The following LPA variants were observed in gnomAD, a reference collection of about 807,000 sequenced individuals.
LPA encodes the protein lipoprotein(a).
LPA carries 199 observed loss-of-function variants against 197.9 expected under a neutral mutation model. The observed-to-expected ratio is 1.01, with a 90% CI of 0.90 to 1.13. The LOEUF is 1.13. Among genes scored for constraint, LPA ranks in the 50% most tolerant of loss-of-function variants. The pLI is 0.00. For missense variants in LPA, 1,853 were observed against 1,785.8 expected, an observed-to-expected ratio of 1.04 and a Z score of -0.68; for synonymous variants, 715 against 639.5, an observed-to-expected ratio of 1.12 and a Z score of -1.78.
At position 160,601,063 on chromosome 6, in the gene LPA, G is replaced by A. The variant is rs762249934; in HGVS notation, c.2981C>T (p.Pro994Leu). ...LIKNYCRNPD[P>L]VAAPWCYTTD... ...TGTATAACACCAAGGGGCTGCCACAGGATCTGGATTTCGGCAGTAGTTCTT... is the reference window on the plus strand; with the variant it reads ...TGTATAACACCAAGGGGCTGCCACAAGATCTGGATTTCGGCAGTAGTTCTT... The change falls in exon 19 of 39, where the codon CCT becomes CTT. Residue 994 changes from proline (P) to leucine (L), a missense_variant. Pro to Leu is a moderately conservative substitution (Grantham distance 98, BLOSUM62 -3). Coordinates refer to ENST00000316300, the MANE Select transcript of LPA (RefSeq NM_005577.4). The A allele has an allele frequency of 1.9e-6, 3 of 1,614,102 alleles. No individual in the cohort carries two copies. The South Asian group carries it at 3.3e-5, about 18-fold the overall frequency.
At chr6:160,580,435 A>G (rs1562329662) in intron 26 of LPA, among the ~76,000 whole-genome samples, 1 of 152,204 alleles carries the variant, frequency 6.6e-6, no homozygotes, top group Non-Finnish European at 1.5e-5. Context: ...GAATAGAATT[A>G]CAGGTTTGTA....
intron 24 of LPA, among the ~76,000 whole-genome samples, chr6:160,588,964 A>T (rs913058589): frequency 6.6e-6 from 1 of 152,208 alleles, no homozygotes; most frequent in Non-Finnish European, 1.5e-5. Context: ...GTTTCTGTCC[A>T]TCTTCCTGAA....
chr6:160,548,253 G>C (rs984030920), intron 31 of LPA, among the ~76,000 whole-genome samples: 1 of 152,158 alleles, frequency 6.6e-6, no homozygotes, highest in Non-Finnish European at 1.5e-5. Context: ...TTTTGCGCCA[G>C]TCCTAAAGTC....
Position 160,661,081 on chromosome 6 carries a change from G to T in LPA, c.49+3085C>A, listed in dbSNP as rs552020135. Among the ~76,000 whole-genome samples, 25 of 152,248 alleles carry T rather than the reference G, an allele frequency of 1.6e-4. No individual in the cohort carries two copies. The South Asian group carries it at 5.2e-3, about 32-fold the overall frequency. On this transcript the variant is annotated intron_variant, in intron 1 of 38. Coordinates refer to ENST00000316300, the MANE Select transcript of LPA (RefSeq NM_005577.4). ...GCTACTGAGCATCCCCTGTCCTGAG[G>T]CTCCTTAGGACACCTGGCTGAGCTT... is the stretch of plus-strand genomic sequence containing the variant.
rs1016345351 is a variant in LPA at position 160,585,053 on chromosome 6, G to T, written c.4282C>A (p.Pro1428Thr). The change falls in exon 26 of 39, where the codon CCA (proline) becomes ACA (threonine). Residue 1428 changes from proline to threonine, a missense_variant. Pro to Thr is a conservative substitution (Grantham distance 38, BLOSUM62 -1). Around this residue, in one of 3 missense-constraint regions of LPA, gnomAD observed 1,737 missense variants for 1,504.4 expected, o/e 1.15. Coordinates refer to ENST00000316300, the MANE Select transcript of LPA (RefSeq NM_005577.4). ...CTAACATGATAGACATACGCATTTG[G>T]ATAGTATAATGGGATCCTCCGATGC... The part of the protein sequence containing the change: ...HWHRRIPLYY[P>T]NAGLTRNYCR... The T allele has an allele frequency of 1.2e-6, 2 of 1,613,696 alleles. No individual in the cohort carries two copies. The highest frequency in any genetic ancestry group is 2.7e-5 in the African/African-American group (2 of 75,014).
rs1334842450 is a variant in LPA, at chr6:160,654,046, ATATAATATATTATATATATT to A, written c.50-3569_50-3550del. ...ATATATAATATATATTATATATAAT[ATATAATATATTATATATATT>A]ATATATAATATATATTATATATATT... On this transcript the variant is annotated intron_variant, in intron 1 of 38. Coordinates refer to ENST00000316300, the MANE Select transcript of LPA (RefSeq NM_005577.4). Among the ~76,000 whole-genome samples the A allele has an allele frequency of 3.9e-3, 38 of 9,780 alleles. 2 individuals are homozygous for A. Among genetic ancestry groups the A allele is most frequent in the African/African-American group, 0.022 (38 of 1,734 alleles). The allele number at this position is 9,780 out of a possible 152,430, so 6.4% of individuals were successfully genotyped here.
At chr6:160,660,436 A>G (rs1407897460) in intron 1 of LPA, among the ~76,000 whole-genome samples, 1 of 152,112 alleles carries the variant, frequency 6.6e-6, no homozygotes, top group African/African-American at 2.4e-5. Context: ...ATATCTAGCT[A>G]TCTGCCTAGT....
intron 33 of LPA, among the ~76,000 whole-genome samples, chr6:160,544,651 A>T (rs1364894896): frequency 3.3e-5 from 5 of 152,194 alleles, no homozygotes; most frequent in African/African-American, 1.2e-4. Context: ...TTCACATGGC[A>T]GACCCAACCA....
intron 30 of LPA, among the ~76,000 whole-genome samples, chr6:160,549,994 G>A (rs1304249343): frequency 2.0e-5 from 3 of 152,346 alleles, no homozygotes; most frequent in South Asian, 2.1e-4. Context: ...AAGCCAAGGC[G>A]GGTGGATCAC....
chr6:160,550,396 TTG>T (rs1778149488), intron 30 of LPA, among the ~76,000 whole-genome samples: 1 of 152,208 alleles, frequency 6.6e-6, no homozygotes, highest in South Asian at 2.1e-4. Context: ...GAATGCAACA[TTG>T]TCTCTGTAGA....
intron 29 of LPA, 75 bp downstream of exon 29, chr6:160,557,315 C>G: frequency 6.5e-7 from 1 of 1,533,540 alleles, no homozygotes; most frequent in Non-Finnish European, 9.0e-7. Flanking sequence ...TGGAAGGCTT[C>G]TGCATCAGTC....
At chr6:160,580,748 G>T (rs1778779133) in intron 26 of LPA, among the ~76,000 whole-genome samples, 1 of 152,158 alleles carries the variant, frequency 6.6e-6, no homozygotes, top group African/African-American at 2.4e-5. Flanking sequence ...TGCCCATTTT[G>T]ATTAGGTTGT....
rs191700675 is a variant in LPA, at chr6:160,658,988, C to T, written c.49+5178G>A. 6.6e-5 allele frequency among the ~76,000 whole-genome samples: 10 copies of T among 151,720 alleles called. No individual in the cohort carries two copies. The Middle Eastern group carries it at 0.01, about 157-fold the overall frequency. On this transcript the variant is annotated intron_variant, in intron 1 of 38. Coordinates refer to ENST00000316300, the MANE Select transcript of LPA (RefSeq NM_005577.4). ...ATAGATATACTCACACAAAGGGGAG[C>T]TTATTAAGTGGTATTAACTCACAAG...
At chr6:160,652,884 G>C (rs1381982027) in intron 1 of LPA, among the ~76,000 whole-genome samples, 1 of 151,916 alleles carries the variant, frequency 6.6e-6, no homozygotes, top group Non-Finnish European at 1.5e-5. Context: ...TAAACATTGT[G>C]GAAAATACTA....
At chr6:160,600,858 G>T in intron 19 of LPA, 59 bp downstream of exon 19, 4 of 1,564,858 alleles carry the variant, frequency 2.6e-6, no homozygotes, top group East Asian at 2.2e-5. Context: ...GTCAGTGGGG[G>T]TATCCATGGC....
At position 160,577,258 on chromosome 6, in the gene LPA, G is replaced by A. The variant is rs767721027; in HGVS notation, c.4509C>T (p.Tyr1503=). 3.7e-6 allele frequency: 6 copies of A among 1,613,830 alleles called. No homozygotes were observed. The highest frequency in any genetic ancestry group is 2.2e-5 in the South Asian group (2 of 91,068). ...CTCGATAACTCCGTCCATCACCATG[G>A]TAGCAATCCTGGACCACAGGGCTTT... ...PEKSPVVQDC[Y]HGDGRSYRGI... Residue 1503 remains tyrosine, a synonymous_variant, in exon 28 of 39, where the codon TAC becomes TAT. Transcript: ENST00000316300.
At chr6:160,547,743 A>C (rs1043994248) in intron 32 of LPA, 46 bp downstream of exon 32, 1 of 1,613,280 alleles carries the variant, frequency 6.2e-7, no homozygotes, top group Non-Finnish European at 8.5e-7. Context: ...CTGTTTGAAA[A>C]GATTTGTCAG....
chr6:160,565,877 C>T (rs1471365809), intron 28 of LPA, among the ~76,000 whole-genome samples: 1 of 152,056 alleles, frequency 6.6e-6, no homozygotes, highest in Non-Finnish European at 1.5e-5. Flanking sequence ...AACTACGTGA[C>T]ACATGAACAA....
intron 34 of LPA, among the ~76,000 whole-genome samples, 199 bp downstream of exon 34, chr6:160,542,489 G>T (rs1777996267): frequency 6.6e-6 from 1 of 152,160 alleles, no homozygotes; most frequent in South Asian, 2.1e-4. Flanking sequence ...TCAAGAAAAA[G>T]ATTTGTATTT....
Sources: gnomAD v4.1 joint callset for allele counts (sites outside exome capture counted in the v4.1 genomes callset) on GRCh38, gnomAD v4.1.1 for gene constraint, gnomAD v4.1.1 regional missense constraint, MANE v1.5 for transcripts, NCBI Gene and HGNC (gene_info 2026-07-23, HGNC 2026-07-21) for gene names.